Variants in ADSS2 observed in about 807,000 individuals in gnomAD.
The protein encoded by ADSS2 is adenylosuccinate synthetase isozyme 2.
Under a neutral mutation model 60.0 loss-of-function variants are expected in ADSS2, and 30 were observed. That is an observed-to-expected ratio of 0.50 (90% CI 0.37 to 0.68). The LOEUF is 0.68. ADSS2 is among the 30% of genes least tolerant of loss of function. ADSS2 has a pLI of 0.00. For missense variants in ADSS2, 373 were observed against 554.8 expected (o/e 0.67, Z 3.29); for synonymous variants, 187 against 193.1 (o/e 0.97, Z 0.26).
intron 4 of ADSS2, among the ~76,000 whole-genome samples, chr1:244,426,159 T>C (rs1289771567): frequency 6.6e-6 from 1 of 152,210 alleles, no homozygotes; most frequent in Non-Finnish European, 1.5e-5. Flanking sequence ...AGGGCTGTTT[T>C]AAACCCTGAT....
intron 4 of ADSS2, among the ~76,000 whole-genome samples, chr1:244,429,556 C>T (rs946612357): frequency 2.6e-5 from 4 of 152,154 alleles, no homozygotes; most frequent in Non-Finnish European, 5.9e-5. Context: ...TTTAATGATA[C>T]TATTTATTCC....
Position 244,415,983 on chromosome 1 carries a change from G to A in ADSS2, c.1166C>T (p.Pro389Leu). The A allele has an allele frequency of 6.2e-7, 1 of 1,601,212 alleles. No individual in the cohort carries two copies. Among genetic ancestry groups the A allele is most frequent in the Non-Finnish European group, 8.6e-7 (1 of 1,169,030 alleles). Residue 389 changes from proline (P) to leucine (L), a missense_variant and splice_region_variant, in exon 11 of 13, where the codon CCA becomes CTA. Coordinates refer to ENST00000366535, the MANE Select transcript of ADSS2 (RefSeq NM_001126.5). ...AGATATTGCCTAAAAGAAAATACCT[G>A]GGATATGAGGTATGATTTCACCATC... ...KLDGEIIPHI[P>L]ANQEVLNKVE...
chr1:244,411,243 G>C (rs755787843), intron 12 of ADSS2, 44 bp downstream of exon 12: 1 of 1,551,064 alleles, frequency 6.4e-7, no homozygotes, highest in African/African-American at 1.4e-5. Flanking sequence ...AAAAAAGAGA[G>C]AGAGAGAAAA....
At chr1:244,421,990 T>C (rs1664686536) in intron 7 of ADSS2, among the ~76,000 whole-genome samples, 1 of 152,074 alleles carries the variant, frequency 6.6e-6, no homozygotes, top group Non-Finnish European at 1.5e-5. Flanking sequence ...TAAAATAAAA[T>C]AAAATATTTA....
rs780817828 is a variant in ADSS2 at position 244,417,613 on chromosome 1, CT to C, written c.1070+14del. On this transcript the variant is annotated intron_variant, in intron 10 of 12. Coordinates refer to ENST00000366535, the MANE Select transcript of ADSS2 (RefSeq NM_001126.5). The stretch of plus-strand genomic sequence containing the variant: ...CTATGATTTCCTGAAATAAATGTTT[CT>C]GAAGAATACTCACGCAGTAAATCCA... 17 of 1,610,158 alleles carry C rather than the reference CT, an allele frequency of 1.1e-5. No individual in the cohort carries two copies. The African/African-American group carries it at 2.3e-4, about 22-fold the overall frequency.
intron 4 of ADSS2, among the ~76,000 whole-genome samples, chr1:244,432,339 CT>C (rs1664964477): frequency 6.6e-6 from 1 of 151,770 alleles, no homozygotes; most frequent in African/African-American, 2.4e-5. Context: ...CTTAGCTAAC[CT>C]TTTTTTCAAA....
At chr1:244,415,588 G>A (rs555194697) in intron 11 of ADSS2, among the ~76,000 whole-genome samples, 1 of 152,294 alleles carries the variant, frequency 6.6e-6, no homozygotes, top group South Asian at 2.1e-4. Flanking sequence ...AGGATAGGGA[G>A]GGCTAATGTA....
At position 244,451,722 on chromosome 1, in the gene ADSS2, C is replaced by A; in HGVS notation, c.96G>T (p.Val32=). 2.5e-6 allele frequency: 4 copies of A among 1,610,854 alleles called. No individual in the cohort carries two copies. Among genetic ancestry groups the A allele is most frequent in the Non-Finnish European group, 3.4e-6 (4 of 1,178,730 alleles). ...RARPGGNRVT[V]VLGAQWGDEG... ...CGTCGCCCCACTGCGCACCGAGCAC[C>A]ACCGTCACCCGGTTTCCTCCGGGCC... Residue 32 remains valine (V), a synonymous_variant, in exon 1 of 13, where the codon GTG becomes GTT. Transcript: ENST00000366535. The surrounding 1 kb of genome is among the most constrained non-coding windows in gnomAD (Gnocchi z 6.6).
At chr1:244,426,657 T>C (rs1032853719) in intron 4 of ADSS2, among the ~76,000 whole-genome samples, 3 of 152,164 alleles carry the variant, frequency 2.0e-5, no homozygotes, top group Non-Finnish European at 4.4e-5. Flanking sequence ...ATACTATGCT[T>C]GGTGTGAGAC....
intron 11 of ADSS2, 28 bp downstream of exon 11, chr1:244,415,953 C>G: frequency 6.8e-7 from 1 of 1,476,122 alleles, no homozygotes; most frequent in South Asian, 1.1e-5. Context: ...CTTATAATAT[C>G]CTTTAGATAT....
intron 1 of ADSS2, among the ~76,000 whole-genome samples, chr1:244,439,993 T>A (rs958474406): frequency 1.3e-5 from 2 of 152,192 alleles, no homozygotes; most frequent in African/African-American, 2.4e-5. Context: ...AGCACACAGA[T>A]TCTCTCTCAG....
At chr1:244,435,780 C>A (rs546091659) in intron 3 of ADSS2, among the ~76,000 whole-genome samples, 1 of 152,268 alleles carries the variant, frequency 6.6e-6, no homozygotes, top group East Asian at 1.9e-4. Flanking sequence ...ACTTAACAGT[C>A]AAAAATATGA....
At chr1:244,445,020 T>C (rs911563652) in intron 1 of ADSS2, among the ~76,000 whole-genome samples, 2 of 152,154 alleles carry the variant, frequency 1.3e-5, no homozygotes, top group Non-Finnish European at 2.9e-5. Flanking sequence ...TGTTCCAACC[T>C]GAGCCAGTCA....
At chr1:244,443,050 A>G (rs975445554) in intron 1 of ADSS2, among the ~76,000 whole-genome samples, 3 of 152,184 alleles carry the variant, frequency 2.0e-5, no homozygotes, top group Non-Finnish European at 4.4e-5. Flanking sequence ...ACTCTGTGTA[A>G]TATGTGCCAG....
chr1:244,432,664 T>TTC, intron 3 of ADSS2, 69 bp from the exon 4 acceptor site: 1 of 661,656 alleles, frequency 1.5e-6, no homozygotes, highest in Admixed American at 3.4e-5. Context: ...TAATTTCTTT[T>TTC]TTTTTTTTTT....
At position 244,417,794 on chromosome 1, in the gene ADSS2, G is replaced by A. The variant is rs372069148; in HGVS notation, c.946-42C>T. On this transcript the variant is annotated intron_variant, in intron 9 of 12. Coordinates refer to ENST00000366535, the MANE Select transcript of ADSS2 (RefSeq NM_001126.5). ...TGAACTTTAGGATTAGAATAGCAGT[G>A]CTATATATCTGGTGGAATAATATAT... 25 of 1,582,342 alleles carry A rather than the reference G, an allele frequency of 1.6e-5. No homozygotes were observed. The African/African-American group carries it at 2.8e-4, about 18-fold the overall frequency.
chr1:244,436,559 A>G (rs910054915), intron 3 of ADSS2, among the ~76,000 whole-genome samples: 2 of 152,238 alleles, frequency 1.3e-5, no homozygotes, highest in African/African-American at 2.4e-5. Flanking sequence ...TGTCACCCAC[A>G]TATTGTAATT....
chr1:244,434,217 A>C (rs1259302601), intron 3 of ADSS2, among the ~76,000 whole-genome samples: 1 of 151,580 alleles, frequency 6.6e-6, no homozygotes, highest in African/African-American at 2.4e-5. Context: ...CTAGTCAGGC[A>C]TGGTGGCATG....
intron 3 of ADSS2, among the ~76,000 whole-genome samples, chr1:244,436,528 A>C (rs1665105462): frequency 6.6e-6 from 1 of 152,216 alleles, no homozygotes; most frequent in African/African-American, 2.4e-5. Flanking sequence ...ACAGTGTGCA[A>C]ACTCAGGAAT....
Sources: gnomAD v4.1 joint callset for allele counts (sites outside exome capture counted in the v4.1 genomes callset) on GRCh38, gnomAD v4.1.1 for gene constraint, Gnocchi (gnomAD v3.1) non-coding constraint, MANE v1.5 for transcripts, NCBI Gene and HGNC (gene_info 2026-07-23, HGNC 2026-07-21) for gene names.